The following GAS7 variants were observed in gnomAD, a reference collection of about 807,000 sequenced individuals.
GAS7 encodes the protein growth arrest specific 7, also known as growth arrest-specific protein 7.
GAS7 carries 28 observed loss-of-function variants against 71.1 expected under a neutral mutation model. The observed-to-expected ratio is 0.39, with a 90% confidence interval of 0.29 to 0.54. The LOEUF is 0.54. Ranked by LOEUF, GAS7 falls within the 20% of genes least tolerant of loss-of-function variation. GAS7 has a pLI of 0.62. For missense variants in GAS7, 436 were observed against 627.8 expected (o/e 0.69, Z 3.27); for synonymous variants, 258 against 245.8 (o/e 1.05, Z -0.46).
chr17:9,940,251 G>C, intron 7 of GAS7, 51 bp from the exon 8 acceptor site: 1 of 1,406,418 alleles, frequency 7.1e-7, no homozygotes, highest in African/African-American at 1.4e-5. Context: ...GCCAGATCGT[G>C]GGTCTGCCCT....
At chr17:10,009,717 T>C (rs901387930) in intron 2 of GAS7, among the ~76,000 whole-genome samples, 37 of 151,798 alleles carry the variant, frequency 2.4e-4, no homozygotes, top group African/African-American at 8.9e-4. Context: ...CACTTTTTTT[T>C]TTCCAGTAGC....
chr17:9,961,700 C>T (rs1438041362), intron 4 of GAS7, among the ~76,000 whole-genome samples: 3 of 152,208 alleles, frequency 2.0e-5, no homozygotes, highest in African/African-American at 7.2e-5. Flanking sequence ...TATTTAATCT[C>T]ATTTCATCCT....
chr17:10,120,981 G>A lies in GAS7; in HGVS notation c.183+77227C>T, dbSNP rs563109350. On this transcript the variant is annotated intron_variant, in intron 1 of 13. Transcript: ENST00000432992. ...CAAGGTGGGCACGCAGATGAGTTTC[G>A]GATGGCAGGAGTGGCAGAGCTGCAG... Among the ~76,000 whole-genome samples, 13 of 152,346 alleles carry A rather than the reference G, an allele frequency of 8.5e-5. 1 individual carries two copies. In the South Asian group the frequency reaches 2.1e-3, roughly 24 times the overall value.
At position 10,034,073 on chromosome 17, in the gene GAS7, G is replaced by A. The variant is rs1487623914; in HGVS notation, c.184-14176C>T. 4 of 974,914 alleles carry A rather than the reference G, an allele frequency of 4.1e-6. No homozygotes were observed. The highest frequency in any genetic ancestry group is 1.1e-4 in the East Asian group (1 of 8,790). The allele number at this position is 974,914 out of a possible 1,614,324, so 60.4% of individuals were successfully genotyped here. On this transcript the variant is annotated intron_variant, in intron 1 of 13. Coordinates refer to ENST00000432992, the MANE Select transcript of GAS7 (RefSeq NM_201433.2). The surrounding 1 kb of genome is among the most constrained non-coding windows in gnomAD (Gnocchi z 4.4). The stretch of plus-strand genomic sequence containing the variant: ...GGCACATATAAAGTAGGCAAATGGT[G>A]ACAGCCAAGGGCCTTGCTATGGAGA...
At chr17:10,023,327 G>C (rs982723147) in intron 1 of GAS7, among the ~76,000 whole-genome samples, 2 of 152,152 alleles carry the variant, frequency 1.3e-5, no homozygotes, top group Non-Finnish European at 2.9e-5. Context: ...CAAAAGACAT[G>C]GAGACAACCA....
In GAS7 at chr17:10,129,187, C is replaced by T. The variant is rs772902608; in HGVS notation, c.183+69021G>A. Among the ~76,000 whole-genome samples, 16 of 149,832 alleles carry T rather than the reference C, an allele frequency of 1.1e-4. 1 individual carries two copies. Among genetic ancestry groups the T allele is most frequent in the Non-Finnish European group, 1.0e-4 (7 of 67,984 alleles). ...AATGAAGCTGGACTCCTTGCTCACACGGCATACAATTAACTCAAAATGGAT... is the reference window on the plus strand; with the variant it reads ...AATGAAGCTGGACTCCTTGCTCACATGGCATACAATTAACTCAAAATGGAT... On this transcript the variant is annotated intron_variant, in intron 1 of 13. Coordinates refer to ENST00000432992, the MANE Select transcript of GAS7 (RefSeq NM_201433.2).
chr17:9,962,239 TACACACACACAC>T (rs58521200), intron 4 of GAS7, among the ~76,000 whole-genome samples: 3 of 148,614 alleles, frequency 2.0e-5, no homozygotes, highest in Non-Finnish European at 3.0e-5. Flanking sequence ...GTGCATTTTA[TACACACACACAC>T]ACACACACAC....
At chr17:10,105,651 C>T (rs904266602) in intron 1 of GAS7, among the ~76,000 whole-genome samples, 1 of 152,158 alleles carries the variant, frequency 6.6e-6, no homozygotes, top group African/African-American at 2.4e-5. Context: ...TAAGCGTCAC[C>T]GCTCCAGAGA....
intron 1 of GAS7, among the ~76,000 whole-genome samples, chr17:10,146,945 C>T (rs115741468): frequency 0.011 from 1,140 of 106,926 alleles, 17 homozygotes; most frequent in African/African-American, 0.031. Flanking sequence ...CGCGCCAGAG[C>T]GAGACTCCGT....
At position 9,996,368 on chromosome 17, in the gene GAS7, C is replaced by T. The variant is rs139955077; in HGVS notation, c.305-14484G>A. Among the ~76,000 whole-genome samples, 242 of 144,460 alleles carry T rather than the reference C, an allele frequency of 1.7e-3. 1 individual carries two copies. The highest frequency in any genetic ancestry group is 6.0e-3 in the African/African-American group (232 of 38,540). The allele number at this position is 144,460 out of a possible 152,430, so 94.8% of individuals were successfully genotyped here. A position where few individuals can be genotyped will look rare whatever the true frequency, so the allele number is the denominator to read the frequency against. On this transcript the variant is annotated intron_variant, in intron 2 of 13. Coordinates refer to ENST00000432992, the MANE Select transcript of GAS7 (RefSeq NM_201433.2). ...TTCTCACTCATAGGTGGGAATTGAA[C>T]AATGAGAACACAGGGACACAGGAAG...
chr17:10,043,562 T>A (rs1391250803), intron 1 of GAS7, among the ~76,000 whole-genome samples: 1 of 152,206 alleles, frequency 6.6e-6, no homozygotes, highest in East Asian at 1.9e-4. Flanking sequence ...GTATTCTGTA[T>A]GTTATCCATA....
At chr17:10,126,136 G>A (rs1392099598) in intron 1 of GAS7, among the ~76,000 whole-genome samples, 1 of 152,200 alleles carries the variant, frequency 6.6e-6, no homozygotes. Context: ...ATCTCCAGCA[G>A]TGATTGTCCC....
chr17:10,106,970 G>A (rs1476439), intron 1 of GAS7, among the ~76,000 whole-genome samples: 28,666 of 152,014 alleles, frequency 0.19, 3,246 homozygotes, highest in East Asian at 0.52. Context: ...AGAAGAAAGA[G>A]GCTGATGCCA....
At chr17:10,085,744 T>C (rs1254691229) in intron 1 of GAS7, among the ~76,000 whole-genome samples, 1 of 151,112 alleles carries the variant, frequency 6.6e-6, no homozygotes, top group Non-Finnish European at 1.5e-5. Flanking sequence ...AACCATCCCT[T>C]ACTGAGTGAT....
chr17:9,930,126 G>A (rs563693830), intron 9 of GAS7, among the ~76,000 whole-genome samples: 24 of 152,340 alleles, frequency 1.6e-4, no homozygotes, highest in African/African-American at 5.3e-4. Flanking sequence ...GGTGAGAACA[G>A]ACCAGACTTG....
intron 1 of GAS7, among the ~76,000 whole-genome samples, chr17:10,074,952 C>CA (rs11444410): frequency 0.36 from 51,246 of 143,770 alleles, 9,183 homozygotes; most frequent in African/African-American, 0.46. Flanking sequence ...AAAGAAACTA[C>CA]AAAAAAAAAA....
At chr17:10,071,428 A>G (rs1430481633) in intron 1 of GAS7, among the ~76,000 whole-genome samples, 1 of 152,192 alleles carries the variant, frequency 6.6e-6, no homozygotes, top group Non-Finnish European at 1.5e-5. Flanking sequence ...AAGTACAAGT[A>G]TAGTCACCCC....
chr17:10,067,437 G>T (rs1327902577), intron 1 of GAS7, among the ~76,000 whole-genome samples: 1 of 151,960 alleles, frequency 6.6e-6, no homozygotes, highest in East Asian at 1.9e-4. Flanking sequence ...TAGAGACGGG[G>T]TTTCACCATG....
intron 1 of GAS7, among the ~76,000 whole-genome samples, chr17:10,160,113 C>T (rs2074240272): frequency 6.6e-6 from 1 of 152,034 alleles, no homozygotes. Context: ...CCCATATTGC[C>T]CAGGCTGGTC....
Sources: gnomAD v4.1 joint callset for allele counts (sites outside exome capture counted in the v4.1 genomes callset) on GRCh38, gnomAD v4.1.1 for gene constraint, Gnocchi (gnomAD v3.1) non-coding constraint, MANE v1.5 for transcripts, NCBI Gene and HGNC (gene_info 2026-07-23, HGNC 2026-07-21) for gene names.